Variants in NWD2 observed in about 807,000 individuals in gnomAD.
NWD2 encodes NACHT and WD repeat domain containing 2, also known as NACHT and WD repeat domain-containing protein 2.
In NWD2, 37 loss-of-function variants were observed where a neutral mutation model predicts 132.7. The ratio of observed to expected loss-of-function variants is 0.28; its 90% CI spans 0.21 to 0.37. The LOEUF (loss-of-function observed/expected upper bound fraction) is 0.37, where lower values mean the gene tolerates loss of function less well. Among genes scored for constraint, NWD2 ranks in the 10% least tolerant of loss-of-function variants. The pLI, the probability that NWD2 is intolerant of heterozygous loss-of-function variation, is 1.00. For missense variants in NWD2, 1,592 were observed against 2,122.4 expected, an observed-to-expected ratio of 0.75 and a Z score of 4.91; for synonymous variants, 705 against 803.0, an observed-to-expected ratio of 0.88 and a Z score of 2.06.
At chr4:37,328,130 A>G (rs918305959) in intron 2 of NWD2, among the ~76,000 whole-genome samples, 3 of 151,940 alleles carry the variant, frequency 2.0e-5, no homozygotes, top group African/African-American at 7.3e-5. Context: ...CATACTTGAG[A>G]ATTTTACTCT....
At chr4:37,324,307 G>A (rs767789785) in intron 1 of NWD2, among the ~76,000 whole-genome samples, 3 of 151,936 alleles carry the variant, frequency 2.0e-5, no homozygotes, top group Admixed American at 2.0e-4. Context: ...TTTTATGTAC[G>A]ATTTAGATAC....
intron 1 of NWD2, among the ~76,000 whole-genome samples, chr4:37,325,388 C>T (rs2109287517): frequency 6.6e-6 from 1 of 152,248 alleles, no homozygotes; most frequent in Non-Finnish European, 1.5e-5. Context: ...ATTGAATCTA[C>T]AGTGGGTGGA....
At chr4:37,368,560 A>G (rs552314757) in intron 3 of NWD2, among the ~76,000 whole-genome samples, 3 of 152,292 alleles carry the variant, frequency 2.0e-5, no homozygotes, top group African/African-American at 7.2e-5. Context: ...TAAGTGAGAT[A>G]ATATAATATT....
At chr4:37,325,384 T>C (rs1719148432) in intron 1 of NWD2, among the ~76,000 whole-genome samples, 1 of 152,142 alleles carries the variant, frequency 6.6e-6, no homozygotes. Flanking sequence ...GCCAATTGAA[T>C]CTACAGTGGG....
intron 1 of NWD2, among the ~76,000 whole-genome samples, chr4:37,321,316 A>G (rs1440647110): frequency 6.6e-6 from 1 of 152,194 alleles, no homozygotes; most frequent in Non-Finnish European, 1.5e-5. Flanking sequence ...AAATCAAGAT[A>G]TTATAAGGAT....
intron 5 of NWD2, among the ~76,000 whole-genome samples, chr4:37,436,552 C>T (rs1015321432): frequency 2.6e-5 from 4 of 152,100 alleles, no homozygotes; most frequent in Non-Finnish European, 5.9e-5. Flanking sequence ...CTGCTTGATA[C>T]ATCCTTTTCA....
At chr4:37,355,949 A>G (rs976889589) in intron 2 of NWD2, among the ~76,000 whole-genome samples, 4 of 152,110 alleles carry the variant, frequency 2.6e-5, no homozygotes, top group African/African-American at 9.7e-5. Context: ...ATCAGTGTAT[A>G]GTAATATTCA....
intron 3 of NWD2, among the ~76,000 whole-genome samples, chr4:37,386,226 TA>T (rs1465301550): frequency 6.6e-6 from 1 of 151,654 alleles, no homozygotes; most frequent in East Asian, 1.9e-4. Context: ...TCTAGAAGAA[TA>T]AAAAAAGCAA....
intron 3 of NWD2, among the ~76,000 whole-genome samples, chr4:37,372,836 A>G (rs921464212): frequency 6.6e-6 from 1 of 152,192 alleles, no homozygotes; most frequent in Non-Finnish European, 1.5e-5. Flanking sequence ...TTAGTCTCCT[A>G]TAAAAGCTAT....
chr4:37,361,988 A>G (rs1719990566), intron 3 of NWD2, among the ~76,000 whole-genome samples: 1 of 152,194 alleles, frequency 6.6e-6, no homozygotes, highest in Non-Finnish European at 1.5e-5. Flanking sequence ...TACAAAATCT[A>G]TGTACAAAAA....
chr4:37,375,277 G>A (rs1287723739), intron 3 of NWD2, among the ~76,000 whole-genome samples: 2 of 152,136 alleles, frequency 1.3e-5, no homozygotes, highest in African/African-American at 2.4e-5. Context: ...GAATTTGGAC[G>A]TGCAAGTGAT....
At chr4:37,323,857 C>CAAAA (rs33925291) in intron 1 of NWD2, among the ~76,000 whole-genome samples, 3 of 146,844 alleles carry the variant, frequency 2.0e-5, no homozygotes, top group Admixed American at 6.8e-5. Context: ...ACTACACAGC[C>CAAAA]AAAAAAAAAA....
At chr4:37,411,338 G>A (rs140138779) in intron 3 of NWD2, among the ~76,000 whole-genome samples, 5,384 of 151,992 alleles carry the variant, frequency 0.035, 116 homozygotes, top group Middle Eastern at 0.061. Context: ...AACTACTATC[G>A]GAGAATACTA....
chr4:37,323,004 T>C (rs1466026504), intron 1 of NWD2, among the ~76,000 whole-genome samples: 1 of 152,030 alleles, frequency 6.6e-6, no homozygotes. Flanking sequence ...CTATGGTGTA[T>C]GAGTTTCTGG....
Position 37,444,747 on chromosome 4 carries a change from C to T in NWD2, c.2759C>T (p.Pro920Leu). 2.6e-6 allele frequency: 4 copies of T among 1,551,970 alleles called. No individual in the cohort carries two copies. Among genetic ancestry groups the T allele is most frequent in the Non-Finnish European group, 3.5e-6 (4 of 1,147,064 alleles). ...LSAELQQRLL[P>L]VVSSLPKLRH... ...GCAGAGCTTCAGCAAAGACTGCTGCCTGTTGTAAGCTCCCTGCCCAAACTT... is the reference window on the plus strand; with the variant it reads ...GCAGAGCTTCAGCAAAGACTGCTGCTTGTTGTAAGCTCCCTGCCCAAACTT... Residue 920 changes from proline to leucine, a missense_variant, in exon 7 of 7, where the codon CCT becomes CTT. By Grantham distance (98) the Pro-to-Leu change is moderately conservative (BLOSUM62 -3). Around this residue, in one of 7 missense-constraint regions of NWD2, gnomAD observed 1,071 missense variants for 1,398.0 expected, o/e 0.77. Transcript: ENST00000309447. This position sits in a 1 kb window ranked among gnomAD's most constrained non-coding sequence, Gnocchi z 4.8.
intron 1 of NWD2, among the ~76,000 whole-genome samples, chr4:37,275,955 G>T (rs1333134962): frequency 1.3e-5 from 2 of 152,092 alleles, no homozygotes; most frequent in African/African-American, 4.8e-5. Context: ...AATTCAAGAT[G>T]AATTAAAGAC....
At chr4:37,325,891 T>G in intron 1 of NWD2, 45 bp from the exon 2 acceptor site, 1 of 1,161,776 alleles carries the variant, frequency 8.6e-7, no homozygotes, top group Non-Finnish European at 1.2e-6. Flanking sequence ...CAGAAACATA[T>G]GTGTGGACAT....
rs370330883 is a variant in NWD2 at position 37,445,214 on chromosome 4, G to C, written c.3226G>C (p.Glu1076Gln). Residue 1076 changes from glutamate (E) to glutamine (Q), a missense_variant, in exon 7 of 7, where the codon GAA (glutamate) becomes CAA (glutamine). Transcript: ENST00000309447. This position sits in a 1 kb window ranked among gnomAD's most constrained non-coding sequence, Gnocchi z 4.7. ...LSANHALAWL[E>Q]ASKDVTVIDL... The stretch of plus-strand genomic sequence containing the variant: ...CGCCAACCACGCCCTTGCATGGCTC[G>C]AAGCCAGCAAAGATGTCACTGTCAT... The C allele has an allele frequency of 3.2e-6, 5 of 1,551,870 alleles. No individual in the cohort carries two copies. The East Asian group carries it at 7.3e-5, about 23-fold the overall frequency.
rs138452057 is a variant in NWD2 at position 37,331,879 on chromosome 4, A to AGG, written c.240+5857_240+5858dup. 8.3e-3 allele frequency among the ~76,000 whole-genome samples: 1,267 copies of AGG among 152,080 alleles called. 22 individuals carry two copies. The highest frequency in any genetic ancestry group is 0.029 in the African/African-American group (1,216 of 41,484). On this transcript the variant is annotated intron_variant, in intron 2 of 6. Coordinates refer to ENST00000309447, the MANE Select transcript of NWD2 (RefSeq NM_001144990.2). ...GAGAAAGAATCTGTGTGCTTGGTGA[A>AGG]GGGAGAGTACAGTGATTGTGGGAGT...
Sources: allele counts gnomAD v4.1 joint callset (sites outside exome capture counted in the v4.1 genomes callset), GRCh38; gene constraint gnomAD v4.1.1; regional missense constraint gnomAD v4.1.1; non-coding constraint Gnocchi (gnomAD v3.1); transcripts MANE v1.5; gene names NCBI Gene and HGNC (gene_info 2026-07-23, HGNC 2026-07-21).